The following PTPRM variants were observed in gnomAD, a reference collection of about 807,000 sequenced individuals.
PTPRM encodes protein tyrosine phosphatase receptor type M.
In PTPRM, 47 loss-of-function variants were observed where a neutral mutation model predicts 186.7. The ratio of observed to expected loss-of-function variants is 0.25; its 90% CI spans 0.20 to 0.32. The LOEUF (loss-of-function observed/expected upper bound fraction) is 0.32. PTPRM is among the 10% of genes least tolerant of loss of function. The probability of loss-of-function intolerance (pLI) is 1.00; values close to 1 mark genes in which losing one functional copy is unlikely to be tolerated. For synonymous variants in PTPRM, 668 were observed against 674.9 expected (o/e 0.99, Z 0.16); for missense variants, 1,494 against 1,865.0 (o/e 0.80, Z 3.66).
intron 8 of PTPRM, among the ~76,000 whole-genome samples, chr18:8,070,222 A>G (rs1047479721): frequency 6.6e-6 from 1 of 152,220 alleles, no homozygotes; most frequent in East Asian, 1.9e-4. Flanking sequence ...TTCTATATAT[A>G]ATCATTCCAT....
At chr18:7,750,674 C>T (rs957919875) in intron 1 of PTPRM, among the ~76,000 whole-genome samples, 6 of 152,110 alleles carry the variant, frequency 3.9e-5, no homozygotes, top group Non-Finnish European at 7.4e-5. Flanking sequence ...GGTTCTTTTC[C>T]CCACAAATCT....
At chr18:7,795,288 A>T (rs1598749144) in intron 2 of PTPRM, among the ~76,000 whole-genome samples, 1 of 152,174 alleles carries the variant, frequency 6.6e-6, no homozygotes, top group South Asian at 2.1e-4. Context: ...AGCCTGGTTC[A>T]TCAGCCTTTC....
intron 3 of PTPRM, among the ~76,000 whole-genome samples, chr18:7,899,001 T>C (rs989151407): frequency 6.6e-6 from 1 of 152,240 alleles, no homozygotes; most frequent in African/African-American, 2.4e-5. Context: ...ATGTTGTTGA[T>C]TCATTAACTT....
chr18:7,612,620 A>G (rs763229550), intron 1 of PTPRM, among the ~76,000 whole-genome samples: 11 of 152,276 alleles, frequency 7.2e-5, no homozygotes, highest in South Asian at 2.1e-4. Context: ...GGACTAAGTC[A>G]TAGCTCTTCA....
intron 19 of PTPRM, among the ~76,000 whole-genome samples, chr18:8,294,794 G>A (rs1261358088): frequency 1.3e-5 from 2 of 152,236 alleles, no homozygotes; most frequent in East Asian, 3.9e-4. Flanking sequence ...TAACTCTTAG[G>A]TTTGTAGTGT....
intron 13 of PTPRM, among the ~76,000 whole-genome samples, chr18:8,126,027 A>ATATATTTTTTTTTTT (rs57751538): frequency 4.5e-4 from 31 of 69,506 alleles, no homozygotes; most frequent in South Asian, 1.1e-3. Flanking sequence ...ATATATATAT[A>ATATATTTTTTTTTTT]TTTTAAATCA....
chr18:7,768,031 ATT>A (rs2042094622), intron 1 of PTPRM, among the ~76,000 whole-genome samples: 1 of 152,136 alleles, frequency 6.6e-6, no homozygotes, highest in Non-Finnish European at 1.5e-5. Flanking sequence ...AAAAGGCTTT[ATT>A]GGGTGTTTAT....
chr18:8,296,048 A>T (rs1204781428), intron 19 of PTPRM, among the ~76,000 whole-genome samples: 1 of 152,192 alleles, frequency 6.6e-6, no homozygotes, highest in Non-Finnish European at 1.5e-5. Context: ...GTGAAACATT[A>T]ATTTCTCTGT....
In PTPRM at chr18:7,647,186, C is replaced by T. The variant is rs560839488; in HGVS notation, c.73+79295C>T. Among the ~76,000 whole-genome samples the T allele has an allele frequency of 3.3e-5, 5 of 152,218 alleles. No homozygotes were observed. In the South Asian group the frequency reaches 8.3e-4, roughly 25 times the overall value. ...TGCACACTGAGGGTAAACTCTTACT[C>T]ATAAAGCAGCCAGGCAAAACTCTGA... On this transcript the variant is annotated intron_variant, in intron 1 of 32. Transcript: ENST00000580170.
chr18:7,936,891 G>T (rs1291968634), intron 5 of PTPRM, among the ~76,000 whole-genome samples: 2 of 152,088 alleles, frequency 1.3e-5, no homozygotes, highest in Non-Finnish European at 2.9e-5. Flanking sequence ...CCCACTCCAG[G>T]GTCTCCTCTC....
In PTPRM at chr18:7,723,732, G is replaced by A. The variant is rs564577615; in HGVS notation, c.74-50417G>A. On this transcript the variant is annotated intron_variant, in intron 1 of 32. Transcript: ENST00000580170. ...CATGATTTTGAGGCATGTTCCTTGC[G>A]CCACTTCCAGCGTTTCCCTTCGGGA... Among the ~76,000 whole-genome samples, 13 of 152,238 alleles carry A rather than the reference G, an allele frequency of 8.5e-5. No homozygotes were observed. The East Asian group carries it at 9.7e-4, about 11-fold the overall frequency.
chr18:7,790,368 G>C (rs547752461), intron 2 of PTPRM, among the ~76,000 whole-genome samples: 1 of 152,290 alleles, frequency 6.6e-6, no homozygotes, highest in South Asian at 2.1e-4. Flanking sequence ...GCAGCATCCT[G>C]CCCATGTTTT....
At chr18:7,864,889 G>A (rs957030472) in intron 2 of PTPRM, among the ~76,000 whole-genome samples, 3 of 152,138 alleles carry the variant, frequency 2.0e-5, no homozygotes, top group Non-Finnish European at 4.4e-5. Context: ...GTGGTTTGTA[G>A]TTCTCTTGGA....
intron 1 of PTPRM, among the ~76,000 whole-genome samples, chr18:7,650,447 C>A (rs1302919054): frequency 8.3e-6 from 1 of 121,072 alleles, no homozygotes. Flanking sequence ...TTTCAAATCC[C>A]CCCCCCCCCC....
intron 1 of PTPRM, among the ~76,000 whole-genome samples, chr18:7,682,402 T>G (rs554262930): frequency 2.0e-4 from 31 of 152,334 alleles, no homozygotes; most frequent in African/African-American, 5.3e-4. Context: ...TTAAAGATAG[T>G]AAATTTTCTT....
chr18:7,686,486 T>C (rs1356354370), intron 1 of PTPRM, among the ~76,000 whole-genome samples: 1 of 152,156 alleles, frequency 6.6e-6, no homozygotes, highest in Non-Finnish European at 1.5e-5. Context: ...TTCAGGCATA[T>C]TCTTATTTGC....
chr18:8,145,030 T>G (rs2092849137), intron 14 of PTPRM, among the ~76,000 whole-genome samples: 1 of 152,168 alleles, frequency 6.6e-6, no homozygotes, highest in Non-Finnish European at 1.5e-5. Flanking sequence ...GGTGGTAACA[T>G]GATCTCATTT....
intron 1 of PTPRM, among the ~76,000 whole-genome samples, chr18:7,679,073 A>G (rs553187732): frequency 6.6e-6 from 1 of 152,256 alleles, no homozygotes; most frequent in South Asian, 2.1e-4. Flanking sequence ...TGTTTTTCTA[A>G]TCTATCAGGT....
At chr18:7,883,733 C>A (rs1027547671) in intron 2 of PTPRM, among the ~76,000 whole-genome samples, 3 of 152,170 alleles carry the variant, frequency 2.0e-5, no homozygotes, top group Non-Finnish European at 4.4e-5. Context: ...TTTGTGTTAT[C>A]TCAGTACTAA....
Sources: gnomAD v4.1 joint callset for allele counts (sites outside exome capture counted in the v4.1 genomes callset) on GRCh38, gnomAD v4.1.1 for gene constraint, MANE v1.5 for transcripts, NCBI Gene and HGNC (gene_info 2026-07-23, HGNC 2026-07-21) for gene names.